Variants in SAXO1 observed in about 807,000 individuals in gnomAD.
SAXO1 encodes stabilizer of axonemal microtubules 1.
Under a neutral mutation model 17.5 loss-of-function variants are expected in SAXO1, and 21 were observed. The observed-to-expected ratio is 1.20, with a 90% confidence interval of 0.85 to 1.72. The LOEUF (loss-of-function observed/expected upper bound fraction) is 1.72, where lower values mean the gene tolerates loss of function less well. Among genes scored for constraint, SAXO1 ranks in the 40% most tolerant of loss-of-function variants. The pLI, the probability that SAXO1 is intolerant of heterozygous loss-of-function variation, is 0.00. For missense variants in SAXO1, 843 were observed against 596.0 expected (o/e 1.41, Z -4.32); for synonymous variants, 274 against 216.5 (o/e 1.27, Z -2.33).
At chr9:18,944,124 T>C (rs7048373) in intron 2 of SAXO1, among the ~76,000 whole-genome samples, 122,180 of 152,108 alleles carry the variant, frequency 0.8, 49,526 homozygotes, top group African/African-American at 0.92. Flanking sequence ...TTTTCCAGTA[T>C]AAAATTTAAG....
At chr9:19,013,413 C>T (rs1039887183) in intron 1 of SAXO1, among the ~76,000 whole-genome samples, 1 of 152,090 alleles carries the variant, frequency 6.6e-6, no homozygotes, top group South Asian at 2.1e-4. Flanking sequence ...TTTCCCCTTA[C>T]CTTTTTCCAT....
intron 1 of SAXO1, among the ~76,000 whole-genome samples, chr9:19,042,145 A>G (rs1318003685): frequency 2.0e-5 from 3 of 152,212 alleles, no homozygotes; most frequent in African/African-American, 7.2e-5. Context: ...CTGAATAGAC[A>G]TTTCTCAAAA....
chr9:18,981,869 C>T (rs111996653), intron 1 of SAXO1, among the ~76,000 whole-genome samples: 1 of 152,222 alleles, frequency 6.6e-6, no homozygotes, highest in Non-Finnish European at 1.5e-5. Context: ...TCAGCTCTCC[C>T]CAACTCCAAA....
intron 1 of SAXO1, among the ~76,000 whole-genome samples, chr9:19,008,442 C>G (rs1166382533): frequency 6.6e-6 from 1 of 152,106 alleles, no homozygotes; most frequent in Non-Finnish European, 1.5e-5. Flanking sequence ...ATTGAACTGA[C>G]CTTTACTTTC....
intron 1 of SAXO1, among the ~76,000 whole-genome samples, chr9:19,046,313 G>A (rs1451528370): frequency 6.6e-6 from 1 of 152,090 alleles, no homozygotes; most frequent in Non-Finnish European, 1.5e-5. Flanking sequence ...ACTCCAAAGA[G>A]TTGGAAAATT....
intron 1 of SAXO1, among the ~76,000 whole-genome samples, chr9:18,988,956 C>A (rs2131836848): frequency 6.6e-6 from 1 of 152,140 alleles, no homozygotes; most frequent in South Asian, 2.1e-4. Flanking sequence ...GTATAAAAAC[C>A]TTTGGGAACT....
chr9:19,032,869 AC>A lies in SAXO1; in HGVS notation c.38+1del, dbSNP rs759839009. The A allele has an allele frequency of 1.2e-6, 2 of 1,610,164 alleles. No homozygotes were observed. The highest frequency in any genetic ancestry group is 1.1e-5 in the South Asian group (1 of 90,824). On this transcript the variant is annotated splice_donor_variant, in intron 1 of 3. Coordinates refer to ENST00000380534, the MANE Select transcript of SAXO1 (RefSeq NM_153707.4). LOFTEE classifies it high-confidence loss of function. ...GCCTTGCCCTGGGCGTGGCCACCTT[AC>A]CCGCAGGAGCACAGTTCACAGATGC...
intron 1 of SAXO1, among the ~76,000 whole-genome samples, chr9:18,966,657 T>TTTA (rs147299946): frequency 0.048 from 7,311 of 152,272 alleles, 176 homozygotes; most frequent in Middle Eastern, 0.082. Flanking sequence ...TTTATCAAGG[T>TTTA]TCTTAGCTTC....
Position 18,966,545 on chromosome 9 carries a change from G to A in SAXO1, c.39-15608C>T, listed in dbSNP as rs143591352. ...CTTGATCAATTTGGCTATTGATACT[G>A]GTGTATGCTTCACCAAGCTCTTGTG... On this transcript the variant is annotated intron_variant, in intron 1 of 3. Coordinates refer to ENST00000380534, the MANE Select transcript of SAXO1 (RefSeq NM_153707.4). Among the ~76,000 whole-genome samples, 933 of 152,142 alleles carry A rather than the reference G, an allele frequency of 6.1e-3. 2 individuals are homozygous for A. The highest frequency in any genetic ancestry group is 9.3e-3 in the Non-Finnish European group (631 of 68,000).
At chr9:19,015,744 G>T (rs984052681) in intron 1 of SAXO1, among the ~76,000 whole-genome samples, 1 of 150,960 alleles carries the variant, frequency 6.6e-6, no homozygotes, top group Non-Finnish European at 1.5e-5. Context: ...CTCCCAAGTT[G>T]CTGGGATTAC....
At chr9:18,972,349 T>A (rs1832973639) in intron 1 of SAXO1, among the ~76,000 whole-genome samples, 1 of 152,222 alleles carries the variant, frequency 6.6e-6, no homozygotes, top group Non-Finnish European at 1.5e-5. Flanking sequence ...ACACCATACC[T>A]TTCTATTAGA....
At chr9:19,001,293 A>G (rs10116436) in intron 1 of SAXO1, among the ~76,000 whole-genome samples, 73,068 of 151,922 alleles carry the variant, frequency 0.48, 18,597 homozygotes, top group Non-Finnish European at 0.57. Flanking sequence ...AACTCACTCA[A>G]AACTGCACAA....
chr9:19,002,197 A>T (rs1184578456), intron 1 of SAXO1, among the ~76,000 whole-genome samples: 1 of 152,238 alleles, frequency 6.6e-6, no homozygotes, highest in Non-Finnish European at 1.5e-5. Context: ...CTAAACCAGG[A>T]AGAAGTTGAA....
At chr9:18,942,536 T>G (rs932290596) in intron 2 of SAXO1, among the ~76,000 whole-genome samples, 4 of 152,162 alleles carry the variant, frequency 2.6e-5, no homozygotes, top group African/African-American at 9.7e-5. Context: ...TTCCTCTACT[T>G]AGCCTACAGA....
chr9:19,033,608 G>A (rs1835858184), upstream of SAXO1, among the ~76,000 whole-genome samples: 1 of 152,230 alleles, frequency 6.6e-6, no homozygotes, highest in African/African-American at 2.4e-5. Flanking sequence ...TCAGATGTCT[G>A]TTAGAATTGC....
chr9:18,982,074 C>T (rs1044292574), intron 1 of SAXO1, among the ~76,000 whole-genome samples: 5 of 152,284 alleles, frequency 3.3e-5, no homozygotes, highest in African/African-American at 1.2e-4. Context: ...TCTGTGTTCT[C>T]CCTCCATTCT....
chr9:18,998,200 G>T (rs1433036011), intron 1 of SAXO1, among the ~76,000 whole-genome samples: 1 of 152,012 alleles, frequency 6.6e-6, no homozygotes, highest in Admixed American at 6.5e-5. Context: ...CCATCACAAG[G>T]AAGCTAAAAA....
At chr9:19,035,563 A>C (rs1342228017), upstream of SAXO1, among the ~76,000 whole-genome samples, 2 of 152,240 alleles carry the variant, frequency 1.3e-5, no homozygotes, top group Non-Finnish European at 2.9e-5. Context: ...GAACTGGGTA[A>C]TAGGCAGAGG....
intron 1 of SAXO1, among the ~76,000 whole-genome samples, chr9:19,020,406 C>T (rs955831113): frequency 6.6e-5 from 10 of 150,382 alleles, no homozygotes; most frequent in Non-Finnish European, 1.5e-4. Flanking sequence ...TTCAGTGGTG[C>T]GATCTCAGCT....
Sources: gnomAD v4.1 joint callset for allele counts (sites outside exome capture counted in the v4.1 genomes callset) on GRCh38, gnomAD v4.1.1 for gene constraint, MANE v1.5 for transcripts, NCBI Gene and HGNC (gene_info 2026-07-23, HGNC 2026-07-21) for gene names.